Variants in MEMO1 observed in about 807,000 individuals in gnomAD.
MEMO1 encodes mediator of cell motility 1, also known as protein MEMO1.
MEMO1 carries 6 observed loss-of-function variants against 45.2 expected under a neutral mutation model. That is an observed-to-expected ratio of 0.13 (90% CI 0.07 to 0.26). The LOEUF is 0.26. Among genes scored for constraint, MEMO1 ranks in the 10% least tolerant of loss-of-function variants. The pLI, the probability that MEMO1 is intolerant of heterozygous loss-of-function variation, is 1.00. For synonymous variants in MEMO1, 78 were observed against 124.3 expected (o/e 0.63, Z 2.48); for missense variants, 184 against 370.5 (o/e 0.50, Z 4.13).
chr2:31,879,108 T>C (rs1018785373), intron 8 of MEMO1, among the ~76,000 whole-genome samples: 1 of 152,214 alleles, frequency 6.6e-6, no homozygotes, highest in African/African-American at 2.4e-5. Flanking sequence ...ATTTAAACAT[T>C]GCTCCTTTCT....
intron 6 of MEMO1, 115 bp from the exon 7 acceptor site, chr2:31,892,249 GTAAT>G (rs1677085169): frequency 3.5e-6 from 3 of 862,846 alleles, no homozygotes; most frequent in Admixed American, 2.6e-5. Flanking sequence ...GATAACATAT[GTAAT>G]TATTATTGAT....
intron 6 of MEMO1, among the ~76,000 whole-genome samples, chr2:31,898,729 T>G (rs1164696875): frequency 6.6e-6 from 1 of 152,190 alleles, no homozygotes; most frequent in Non-Finnish European, 1.5e-5. Flanking sequence ...CTATTAGGTC[T>G]GCGTGGTCCA....
chr2:31,953,303 G>T (rs1667037994), intron 2 of MEMO1, among the ~76,000 whole-genome samples: 1 of 147,020 alleles, frequency 6.8e-6, no homozygotes, highest in Non-Finnish European at 1.5e-5. Flanking sequence ...GGAGGCAGAG[G>T]TTGCAGTGGG....
chr2:31,903,801 T>C (rs1259415724), intron 6 of MEMO1, among the ~76,000 whole-genome samples: 1 of 152,152 alleles, frequency 6.6e-6, no homozygotes, highest in Non-Finnish European at 1.5e-5. Flanking sequence ...ACTGTAAATA[T>C]AAAAGTCACA....
At chr2:31,931,349 C>T (rs1440308186) in intron 4 of MEMO1, among the ~76,000 whole-genome samples, 1 of 152,076 alleles carries the variant, frequency 6.6e-6, no homozygotes, top group African/African-American at 2.4e-5. Context: ...ACCTAACAAT[C>T]AGTATTTGAC....
At chr2:31,902,362 C>T (rs1225589857) in intron 6 of MEMO1, among the ~76,000 whole-genome samples, 1 of 151,900 alleles carries the variant, frequency 6.6e-6, no homozygotes, top group Non-Finnish European at 1.5e-5. Flanking sequence ...CATGCCACTG[C>T]ACTCCAGCGT....
At chr2:31,890,890 G>A (rs1367959906) in intron 7 of MEMO1, among the ~76,000 whole-genome samples, 2 of 152,182 alleles carry the variant, frequency 1.3e-5, no homozygotes, top group Non-Finnish European at 2.9e-5. Flanking sequence ...GCCCCTGAGA[G>A]TAAAATCACT....
In MEMO1 at chr2:31,915,011, A is replaced by G. The variant is rs1681218569; in HGVS notation, c.437+2915T>C. Among the ~76,000 whole-genome samples, 2 of 150,936 alleles carry G rather than the reference A, an allele frequency of 1.3e-5. 1 individual carries two copies. Among genetic ancestry groups the G allele is most frequent in the South Asian group, 4.2e-4 (2 of 4,758 alleles). ...GCCAGGCACAGTGGTTCATGCCTATAATCCCATTGCTTTGGGAGGCTGAGG... is the reference window on the plus strand; with the variant it reads ...GCCAGGCACAGTGGTTCATGCCTATGATCCCATTGCTTTGGGAGGCTGAGG... On this transcript the variant is annotated intron_variant, in intron 6 of 9. Coordinates refer to ENST00000404530, the MANE Select transcript of MEMO1 (RefSeq NM_001301833.4).
intron 5 of MEMO1, among the ~76,000 whole-genome samples, chr2:31,919,443 A>T (rs1681946486): frequency 6.6e-6 from 1 of 152,038 alleles, no homozygotes; most frequent in African/African-American, 2.4e-5. Context: ...ATGAACCACC[A>T]CACTAGGCCT....
intron 6 of MEMO1, among the ~76,000 whole-genome samples, chr2:31,903,442 T>C (rs1558490486): frequency 6.6e-6 from 1 of 151,976 alleles, no homozygotes; most frequent in Non-Finnish European, 1.5e-5. Context: ...GGACAAAAAG[T>C]TATGTGGGTA....
chr2:31,875,486 C>G (rs1035659836), intron 8 of MEMO1, among the ~76,000 whole-genome samples: 1 of 152,152 alleles, frequency 6.6e-6, no homozygotes, highest in African/African-American at 2.4e-5. Context: ...ACCTCCCAAA[C>G]TTACATCTCT....
intron 2 of MEMO1, among the ~76,000 whole-genome samples, chr2:31,978,173 G>A (rs1013901769): frequency 1.3e-5 from 2 of 152,038 alleles, no homozygotes; most frequent in Non-Finnish European, 2.9e-5. Context: ...GATCATTTGA[G>A]GTCAGGAGTT....
intron 2 of MEMO1, among the ~76,000 whole-genome samples, chr2:31,972,855 A>G (rs1669571118): frequency 6.6e-6 from 1 of 152,242 alleles, no homozygotes; most frequent in Non-Finnish European, 1.5e-5. Context: ...GGACTTAAAT[A>G]GACATTTCTC....
chr2:31,915,323 T>C (rs1388831970), intron 6 of MEMO1, among the ~76,000 whole-genome samples: 2 of 152,160 alleles, frequency 1.3e-5, no homozygotes, highest in Admixed American at 6.5e-5. Context: ...GAGGAAGAAC[T>C]GTAGTAGACT....
intron 2 of MEMO1, among the ~76,000 whole-genome samples, chr2:31,998,029 G>C (rs1440733645): frequency 6.6e-6 from 1 of 151,912 alleles, no homozygotes; most frequent in African/African-American, 2.4e-5. Context: ...TTTTTTTTGA[G>C]ACAGAATCTC....
intron 2 of MEMO1, among the ~76,000 whole-genome samples, chr2:31,948,271 C>G (rs552980819): frequency 1.3e-5 from 2 of 152,208 alleles, no homozygotes; most frequent in African/African-American, 4.8e-5. Flanking sequence ...CACAAGGGAG[C>G]CTTCTAGTGT....
intron 2 of MEMO1, among the ~76,000 whole-genome samples, chr2:32,005,291 G>T (rs1252200242): frequency 1.5e-5 from 2 of 137,606 alleles, no homozygotes; most frequent in African/African-American, 5.5e-5. Context: ...CGGCACTCTA[G>T]CCTGGGTGAC....
At chr2:31,928,692 T>A (rs977116415) in intron 4 of MEMO1, among the ~76,000 whole-genome samples, 2 of 152,172 alleles carry the variant, frequency 1.3e-5, no homozygotes, top group Admixed American at 6.5e-5. Flanking sequence ...CTTTTAAATT[T>A]TATATTTTTT....
At chr2:31,943,251 G>T (rs763356700) in intron 3 of MEMO1, 51 bp downstream of exon 3, 1 of 1,362,590 alleles carries the variant, frequency 7.3e-7, no homozygotes, top group East Asian at 2.3e-5. Context: ...GGCGACACAG[G>T]GAGACTCCTT....
Sources: allele counts gnomAD v4.1 joint callset (sites outside exome capture counted in the v4.1 genomes callset), GRCh38; gene constraint gnomAD v4.1.1; transcripts MANE v1.5; gene names NCBI Gene and HGNC (gene_info 2026-07-23, HGNC 2026-07-21).